The following NR5A2 variants were observed in gnomAD, a reference collection of about 807,000 sequenced individuals.
NR5A2 encodes the protein nuclear receptor subfamily 5 group A member 2.
NR5A2 carries 26 observed loss-of-function variants against 62.7 expected under a neutral mutation model. The ratio of observed to expected loss-of-function variants is 0.41; its 90% CI spans 0.30 to 0.58. The LOEUF is 0.58. Ranked by LOEUF, NR5A2 falls within the 20% of genes least tolerant of loss-of-function variation. NR5A2 has a pLI of 0.22. For missense variants in NR5A2, 541 were observed against 669.1 expected, an observed-to-expected ratio of 0.81 and a Z score of 2.11; for synonymous variants, 246 against 241.7, an observed-to-expected ratio of 1.02 and a Z score of -0.16.
intron 5 of NR5A2, among the ~76,000 whole-genome samples, chr1:200,069,850 A>C (rs915751728): frequency 2.3e-4 from 33 of 146,050 alleles, no homozygotes; most frequent in Non-Finnish European, 6.0e-5. Flanking sequence ...ATTGGAAAAC[A>C]TAATCTCTAA....
chr1:200,143,647 T>C (rs1667542912), intron 7 of NR5A2, among the ~76,000 whole-genome samples: 1 of 147,250 alleles, frequency 6.8e-6, no homozygotes, highest in African/African-American at 2.5e-5. Flanking sequence ...AATTTTTTTT[T>C]TTTTTTTTTT....
chr1:200,034,597 CG>C (rs1382898156), intron 1 of NR5A2, among the ~76,000 whole-genome samples: 3 of 52,192 alleles, frequency 5.7e-5, no homozygotes, highest in Non-Finnish European at 7.3e-5. Flanking sequence ...GGAGGTTGCC[CG>C]GGGGGGTGGG....
rs749896579 is a variant in NR5A2, at chr1:200,048,389, T to G, written c.681T>G (p.His227Gln). 16 of 1,614,098 alleles carry G rather than the reference T, an allele frequency of 9.9e-6. No homozygotes were observed. In the Middle Eastern group the frequency reaches 1.5e-3, roughly 149 times the overall value. ...HSASKGLPLN[H>Q]AALPPTDYDR... is the part of the protein sequence containing the mutation. The stretch of plus-strand genomic sequence containing the variant: ...CCTCCAAAGGCCTACCTCTGAACCA[T>G]GCTGCCTTGCCTCCTACAGACTATG... Residue 227 changes from histidine (H) to glutamine (Q), a missense_variant, in exon 5 of 8, where the codon CAT (histidine) becomes CAG (glutamine). This residue lies in a region of NR5A2 where 379 missense variants were observed against 442.0 expected (regional missense o/e 0.86). Transcript: ENST00000367362. This position sits in a 1 kb window ranked among gnomAD's most constrained non-coding sequence, Gnocchi z 4.8.
chr1:200,062,257 G>GTGTGTA (rs1490926111), intron 5 of NR5A2, among the ~76,000 whole-genome samples: 2 of 151,608 alleles, frequency 1.3e-5, no homozygotes, highest in Admixed American at 6.6e-5. Flanking sequence ...GTGTGTGTGT[G>GTGTGTA]TATCTGTGTC....
At chr1:200,083,821 C>T (rs897928472) in intron 5 of NR5A2, among the ~76,000 whole-genome samples, 5 of 151,698 alleles carry the variant, frequency 3.3e-5, no homozygotes, top group Admixed American at 2.0e-4. Context: ...CAACATTAGC[C>T]GGGCATGGTG....
intron 7 of NR5A2, among the ~76,000 whole-genome samples, chr1:200,133,172 A>T (rs1667040614): frequency 6.6e-6 from 1 of 152,138 alleles, no homozygotes; most frequent in Non-Finnish European, 1.5e-5. Flanking sequence ...TAAAATTTTC[A>T]TTGTGAAGTG....
At chr1:200,156,449 G>A (rs1173335951) in intron 7 of NR5A2, among the ~76,000 whole-genome samples, 1 of 152,212 alleles carries the variant, frequency 6.6e-6, no homozygotes, top group Non-Finnish European at 1.5e-5. Flanking sequence ...CCAGGCTGGA[G>A]TGCAGTGGCG....
At chr1:200,129,517 T>C (rs565571994) in intron 7 of NR5A2, among the ~76,000 whole-genome samples, 1 of 152,320 alleles carries the variant, frequency 6.6e-6, no homozygotes, top group Non-Finnish European at 1.5e-5. Flanking sequence ...CGATAGGAAG[T>C]ACTATTCTGA....
Position 200,174,156 on chromosome 1 carries a change from G to T in NR5A2, c.1572G>T (p.Gly524=), listed in dbSNP as rs764311097. The T allele has an allele frequency of 6.2e-7, 1 of 1,613,376 alleles. No homozygotes were observed. The highest frequency in any genetic ancestry group is 2.2e-5 in the East Asian group (1 of 44,858). ...EEYLYYKHLN[G]DVPYNNLLIE... is the part of the protein sequence containing the mutation. ...ACCTCTACTACAAGCACCTGAACGG[G>T]GATGTGCCCTATAATAACCTTCTCA... is the stretch of plus-strand genomic sequence containing the variant. The change falls in exon 8 of 8, where the codon GGG becomes GGT. Residue 524 remains glycine, a synonymous_variant. Transcript: ENST00000367362.
In NR5A2 at chr1:200,039,916, C is replaced by G. The variant is rs935268655; in HGVS notation, c.202+121C>G. On this transcript the variant is annotated intron_variant, in intron 2 of 7. Transcript: ENST00000367362. This position sits in a 1 kb window ranked among gnomAD's most constrained non-coding sequence, Gnocchi z 5.1. ...AGTAGCCCCGCTGGGCGCTCGCAGC[C>G]GCGGGAGTCAAGCCCCCTCCCCAGG... 5 of 1,134,178 alleles carry G rather than the reference C, an allele frequency of 4.4e-6. No homozygotes were observed. The Admixed American group carries it at 1.8e-4, about 42-fold the overall frequency. The allele number at this position is 1,134,178 out of a possible 1,614,324, so 70.3% of individuals were successfully genotyped here. A position where few individuals can be genotyped will look rare whatever the true frequency, so the allele number is the denominator to read the frequency against.
chr1:200,045,697 C>A, intron 4 of NR5A2, 113 bp downstream of exon 4: 1 of 761,176 alleles, frequency 1.3e-6, no homozygotes, highest in Non-Finnish European at 2.0e-6. Context: ...TTAACACTAC[C>A]GACAATACTG....
At chr1:200,084,029 G>A (rs1664416850) in intron 5 of NR5A2, among the ~76,000 whole-genome samples, 1 of 150,824 alleles carries the variant, frequency 6.6e-6, no homozygotes, top group Non-Finnish European at 1.5e-5. Context: ...AAATACCATA[G>A]GGTAGGTCAG....
In NR5A2 at chr1:200,042,996, CAT is replaced by C. The variant is rs904212905; in HGVS notation, c.203-777_203-776del. 2.7e-5 allele frequency: 27 copies of C among 985,450 alleles called. No homozygotes were observed. The African/African-American group carries it at 3.3e-4, about 12-fold the overall frequency. 61.0% of individuals were successfully genotyped at this position (985,450 alleles called of 1,614,324 possible). A position where few individuals can be genotyped will look rare whatever the true frequency, so the allele number is the denominator to read the frequency against. On this transcript the variant is annotated intron_variant, in intron 2 of 7. Coordinates refer to ENST00000367362, the MANE Select transcript of NR5A2 (RefSeq NM_205860.3). Reference sequence around the variant, plus strand: ...TATATTTTGCTATGATGATCGGAAACATGTGAGGTTCATTACAGGGCTTCAAT... The same window carrying C: ...TATATTTTGCTATGATGATCGGAAACGTGAGGTTCATTACAGGGCTTCAAT...
intron 5 of NR5A2, among the ~76,000 whole-genome samples, chr1:200,071,174 A>G (rs148025468): frequency 1.3e-5 from 2 of 152,322 alleles, no homozygotes; most frequent in African/African-American, 4.8e-5. Flanking sequence ...TGATTTCTAA[A>G]TCAAATGTAC....
At chr1:200,155,773 A>G (rs1653353632) in intron 7 of NR5A2, among the ~76,000 whole-genome samples, 1 of 151,904 alleles carries the variant, frequency 6.6e-6, no homozygotes, top group African/African-American at 2.4e-5. Context: ...TTTTGGGTTC[A>G]AGCGATTCTC....
At position 200,175,246 on chromosome 1, in the gene NR5A2, G is replaced by C. The variant is rs1654365409; in HGVS notation, c.*1036G>C. Reference sequence around the variant, plus strand: ...ATTGACGCATGTTAATCTATGCAAAGAGAAAGGAAAGGATGAGGTGATGTA... The same window carrying C: ...ATTGACGCATGTTAATCTATGCAAACAGAAAGGAAAGGATGAGGTGATGTA... On this transcript the variant is annotated 3_prime_UTR_variant, in exon 8 of 8. Transcript: ENST00000367362. 1 of 152,418 alleles carries C rather than the reference G, an allele frequency of 6.6e-6. No individual in the cohort carries two copies. Among genetic ancestry groups the C allele is most frequent in the Non-Finnish European group, 1.5e-5 (1 of 68,038 alleles). 9.4% of individuals were successfully genotyped at this position (152,418 alleles called of 1,614,324 possible).
chr1:200,112,120 C>A (rs1429229790), intron 6 of NR5A2, among the ~76,000 whole-genome samples: 1 of 150,248 alleles, frequency 6.7e-6, no homozygotes, highest in Non-Finnish European at 1.5e-5. Flanking sequence ...AGAAAATCAA[C>A]ACTCATCCAC....
At chr1:200,090,996 C>T (rs1202244298) in intron 5 of NR5A2, among the ~76,000 whole-genome samples, 1 of 152,168 alleles carries the variant, frequency 6.6e-6, no homozygotes, top group Admixed American at 6.5e-5. Flanking sequence ...AAGTAGGTGC[C>T]ATTGCATTCA....
intron 5 of NR5A2, among the ~76,000 whole-genome samples, chr1:200,109,427 A>G (rs1242275752): frequency 6.6e-6 from 1 of 152,170 alleles, no homozygotes; most frequent in Non-Finnish European, 1.5e-5. Flanking sequence ...TTGCATCTTC[A>G]CAAGACTTGC....
Sources: allele counts gnomAD v4.1 joint callset (sites outside exome capture counted in the v4.1 genomes callset), GRCh38; gene constraint gnomAD v4.1.1; regional missense constraint gnomAD v4.1.1; non-coding constraint Gnocchi (gnomAD v3.1); transcripts MANE v1.5; gene names NCBI Gene and HGNC (gene_info 2026-07-23, HGNC 2026-07-21).